SEMA3A: variants seen among roughly 807,000 people sequenced by gnomAD.
SEMA3A encodes semaphorin-3A.
Under a neutral mutation model 97.9 loss-of-function variants are expected in SEMA3A, and 29 were observed. That is an observed-to-expected ratio of 0.30 (90% CI 0.22 to 0.40). The LOEUF (loss-of-function observed/expected upper bound fraction) is 0.40. Among genes scored for constraint, SEMA3A ranks in the 10% least tolerant of loss-of-function variants. The pLI is 1.00. For missense variants in SEMA3A, 763 were observed against 951.3 expected, an observed-to-expected ratio of 0.80 and a Z score of 2.60; for synonymous variants, 321 against 323.7, an observed-to-expected ratio of 0.99 and a Z score of 0.09.
At chr7:83,969,523 G>A (rs934545213) in intron 15 of SEMA3A, among the ~76,000 whole-genome samples, 14 of 152,218 alleles carry the variant, frequency 9.2e-5, no homozygotes, top group Middle Eastern at 6.8e-3. Context: ...GCAAATCCAG[G>A]TAACACATTG....
intron 2 of SEMA3A, among the ~76,000 whole-genome samples, chr7:84,313,375 TATATA>T (rs1801406969): frequency 1.5e-5 from 1 of 67,302 alleles, no homozygotes; most frequent in African/African-American, 4.4e-5. Context: ...TATATATATA[TATATA>T]TATATATATA....
intron 1 of SEMA3A, among the ~76,000 whole-genome samples, chr7:84,425,438 G>GTATATATTTATAT (rs1396004921): frequency 1.4e-4 from 18 of 124,864 alleles, no homozygotes; most frequent in African/African-American, 2.0e-4. Flanking sequence ...TATAAATATA[G>GTATATATTTATAT]GCATATATTT....
chr7:83,995,179 G>A (rs537677105), intron 12 of SEMA3A, among the ~76,000 whole-genome samples: 17 of 152,104 alleles, frequency 1.1e-4, no homozygotes, highest in South Asian at 8.3e-4. Context: ...TTCGGCTCGC[G>A]CACGGTGCGC....
chr7:84,121,618 T>C (rs13228074), intron 3 of SEMA3A, among the ~76,000 whole-genome samples: 11,577 of 27,572 alleles, frequency 0.42, 2,877 homozygotes, highest in East Asian at 0.64. Flanking sequence ...CATTGATGGA[T>C]ATTTGGGTTG....
intron 1 of SEMA3A, among the ~76,000 whole-genome samples, chr7:84,154,143 AT>A (rs1796762477): frequency 6.6e-6 from 1 of 152,132 alleles, no homozygotes; most frequent in Admixed American, 6.5e-5. Flanking sequence ...AGATAGAACC[AT>A]TTTTTAATAT....
At chr7:84,252,243 A>T (rs1010486428) in intron 3 of SEMA3A, among the ~76,000 whole-genome samples, 1 of 152,198 alleles carries the variant, frequency 6.6e-6, no homozygotes, top group Non-Finnish European at 1.5e-5. Context: ...CCTGGTGGGC[A>T]TCATTCTATG....
intron 4 of SEMA3A, among the ~76,000 whole-genome samples, chr7:84,076,656 T>C (rs1793962402): frequency 6.6e-6 from 1 of 152,148 alleles, no homozygotes. Context: ...TGTTACACTA[T>C]TAACATAGTA....
intron 1 of SEMA3A, among the ~76,000 whole-genome samples, chr7:84,437,716 T>C (rs550270898): frequency 6.6e-6 from 1 of 151,950 alleles, no homozygotes; most frequent in African/African-American, 2.4e-5. Context: ...AGAAATTATC[T>C]TGAAAGGTGC....
intron 3 of SEMA3A, among the ~76,000 whole-genome samples, chr7:84,233,879 A>C (rs1799172492): frequency 6.6e-6 from 1 of 152,024 alleles, no homozygotes; most frequent in African/African-American, 2.4e-5. Context: ...GTAGAAATGC[A>C]ACATTAACTG....
intron 15 of SEMA3A, among the ~76,000 whole-genome samples, chr7:83,969,822 G>T (rs1013334826): frequency 1.3e-5 from 2 of 152,094 alleles, no homozygotes; most frequent in Admixed American, 6.5e-5. Flanking sequence ...GGAATAATAA[G>T]AAGAGAAAGA....
At position 84,066,047 on chromosome 7, in the gene SEMA3A, C is replaced by T. The variant is rs570287383; in HGVS notation, c.454-5489G>A. Among the ~76,000 whole-genome samples, 225 of 151,580 alleles carry T rather than the reference C, an allele frequency of 1.5e-3. 2 individuals are homozygous for T. In the East Asian group the frequency reaches 0.015, roughly 10 times the overall value. On this transcript the variant is annotated intron_variant, in intron 4 of 16. Transcript: ENST00000265362. ...TAAAATACTGGCAAACCGAATCCAGCAGCACATCAAAAAGCTTATCCGCCA... is the reference window on the plus strand; with the variant it reads ...TAAAATACTGGCAAACCGAATCCAGTAGCACATCAAAAAGCTTATCCGCCA...
Position 83,961,822 on chromosome 7 carries a change from C to G in SEMA3A, c.1865G>C (p.Arg622Thr), listed in dbSNP as rs758249305. ...TGTCCTGATGATATGATCATCCACT[C>G]TGATCTAGCAGGTTAAAAAAAAGGC... is the stretch of plus-strand genomic sequence containing the variant. ...RRNEERKEEIRVDDHIIRTDQ... is the reference protein window; with the variant it reads ...RRNEERKEEITVDDHIIRTDQ... Residue 622 changes from arginine (R) to threonine (T), a missense_variant, in exon 17 of 17, where the codon AGA (arginine) becomes ACA (threonine). Arg to Thr is a moderately conservative substitution (Grantham distance 71). Around this residue, in one of 2 missense-constraint regions of SEMA3A, gnomAD observed 678 missense variants for 881.3 expected, o/e 0.77. Transcript: ENST00000265362. 1 of 1,611,656 alleles carries G rather than the reference C, an allele frequency of 6.2e-7. No homozygotes were observed. The highest frequency in any genetic ancestry group is 8.5e-7 in the Non-Finnish European group (1 of 1,178,588).
At chr7:84,048,124 T>A (rs1792431905) in intron 5 of SEMA3A, among the ~76,000 whole-genome samples, 1 of 152,048 alleles carries the variant, frequency 6.6e-6, no homozygotes. Flanking sequence ...TTAGATAATA[T>A]GTTGAGTATA....
intron 2 of SEMA3A, among the ~76,000 whole-genome samples, chr7:84,130,037 AAAATCCCC>A (rs1185658789): frequency 6.5e-4 from 99 of 152,214 alleles, no homozygotes; most frequent in African/African-American, 2.2e-3. Context: ...ATTTTAATAT[AAAATCCCC>A]TGAGCAATTC....
intron 1 of SEMA3A, among the ~76,000 whole-genome samples, chr7:84,178,558 A>C (rs1446489411): frequency 6.6e-6 from 1 of 152,154 alleles, no homozygotes; most frequent in Non-Finnish European, 1.5e-5. Flanking sequence ...ACTTGAGCTC[A>C]AATCTCTCTG....
intron 2 of SEMA3A, among the ~76,000 whole-genome samples, chr7:84,344,187 G>A (rs1410471315): frequency 1.3e-5 from 2 of 152,128 alleles, no homozygotes; most frequent in East Asian, 1.9e-4. Context: ...ACTCAGTATG[G>A]ATTTTTGACA....
intron 15 of SEMA3A, among the ~76,000 whole-genome samples, chr7:83,974,049 C>T (rs892871774): frequency 6.6e-6 from 1 of 152,000 alleles, no homozygotes; most frequent in Non-Finnish European, 1.5e-5. Flanking sequence ...ATTTTGTACA[C>T]AGCAATTATT....
chr7:84,406,184 C>T (rs1461570064), intron 1 of SEMA3A, among the ~76,000 whole-genome samples: 1 of 151,952 alleles, frequency 6.6e-6, no homozygotes, highest in Admixed American at 6.6e-5. Flanking sequence ...AGAGAAGTAT[C>T]AAATAGATGC....
At chr7:84,260,011 T>C (rs1327025965) in intron 3 of SEMA3A, among the ~76,000 whole-genome samples, 1 of 152,072 alleles carries the variant, frequency 6.6e-6, no homozygotes, top group Non-Finnish European at 1.5e-5. Context: ...TACAGTTGTT[T>C]TCAAAGACAT....
Sources: gnomAD v4.1 joint callset for allele counts (sites outside exome capture counted in the v4.1 genomes callset) on GRCh38, gnomAD v4.1.1 for gene constraint, gnomAD v4.1.1 regional missense constraint, MANE v1.5 for transcripts, NCBI Gene and HGNC (gene_info 2026-07-23, HGNC 2026-07-21) for gene names.